SH3RF3: variants seen among roughly 807,000 people sequenced by gnomAD.
SH3RF3 encodes the protein SH3 domain containing ring finger 3.
SH3RF3 carries 29 observed loss-of-function variants against 66.3 expected under a neutral mutation model. That is an observed-to-expected ratio of 0.44 (90% CI 0.33 to 0.60). The LOEUF (loss-of-function observed/expected upper bound fraction) is 0.60, where lower values mean the gene tolerates loss of function less well. SH3RF3 is among the 20% of genes least tolerant of loss of function. The pLI, the probability that SH3RF3 is intolerant of heterozygous loss-of-function variation, is 0.04. For missense variants in SH3RF3, 1,194 were observed against 1,190.9 expected (o/e 1.00, Z -0.04); for synonymous variants, 583 against 532.0 (o/e 1.10, Z -1.32).
intron 5 of SH3RF3, among the ~76,000 whole-genome samples, chr2:109,425,093 G>C (rs1408580125): frequency 6.6e-6 from 1 of 152,240 alleles, no homozygotes; most frequent in Non-Finnish European, 1.5e-5. Context: ...TGTTTGAGTG[G>C]CCTGGATAGA....
intron 1 of SH3RF3, among the ~76,000 whole-genome samples, chr2:109,314,242 C>A (rs1443554304): frequency 6.6e-6 from 1 of 152,168 alleles, no homozygotes; most frequent in Non-Finnish European, 1.5e-5. Flanking sequence ...TTAATGCTGC[C>A]TGCTTGAGAA....
At chr2:109,416,976 C>T (rs1192206251) in intron 4 of SH3RF3, among the ~76,000 whole-genome samples, 2 of 151,830 alleles carry the variant, frequency 1.3e-5, no homozygotes, top group African/African-American at 2.4e-5. Context: ...CACACAGTCA[C>T]AGGCCATGGT....
At chr2:109,307,536 T>A (rs1408588736) in intron 1 of SH3RF3, among the ~76,000 whole-genome samples, 1 of 146,726 alleles carries the variant, frequency 6.8e-6, no homozygotes, top group Non-Finnish European at 1.5e-5. Flanking sequence ...ACTCGTCATC[T>A]AGCATTAGGT....
intron 1 of SH3RF3, among the ~76,000 whole-genome samples, chr2:109,138,173 G>T (rs1033447737): frequency 1.3e-5 from 2 of 152,088 alleles, no homozygotes; most frequent in African/African-American, 2.4e-5. Context: ...GCACCACCAC[G>T]CCCGGCTAAC....
chr2:109,219,937 A>G (rs1679193583), intron 1 of SH3RF3, among the ~76,000 whole-genome samples: 2 of 152,242 alleles, frequency 1.3e-5, no homozygotes, highest in Admixed American at 1.3e-4. Flanking sequence ...TCTAAAATTT[A>G]TATGGAATCT....
At chr2:109,182,471 A>ATAGTTT (rs1173052136) in intron 1 of SH3RF3, among the ~76,000 whole-genome samples, 8 of 152,202 alleles carry the variant, frequency 5.3e-5, no homozygotes, top group African/African-American at 1.7e-4. Flanking sequence ...CACTCAAACT[A>ATAGTTT]TAGTGTCCCA....
intron 9 of SH3RF3, among the ~76,000 whole-genome samples, chr2:109,491,452 T>C (rs1401625617): frequency 6.6e-6 from 1 of 152,234 alleles, no homozygotes; most frequent in African/African-American, 2.4e-5. Context: ...TCCGTCAGAC[T>C]GAACCCTTTG....
intron 1 of SH3RF3, among the ~76,000 whole-genome samples, chr2:109,341,541 T>G (rs1682552843): frequency 6.6e-6 from 1 of 152,034 alleles, no homozygotes; most frequent in Non-Finnish European, 1.5e-5. Flanking sequence ...CCTGAGTGAG[T>G]CAGAATATAA....
At chr2:109,397,643 C>A (rs1272591347) in intron 3 of SH3RF3, among the ~76,000 whole-genome samples, 2 of 152,186 alleles carry the variant, frequency 1.3e-5, no homozygotes, top group Non-Finnish European at 2.9e-5. Context: ...GCCCTGAGGA[C>A]CAGCCCAGGG....
intron 1 of SH3RF3, among the ~76,000 whole-genome samples, chr2:109,318,351 G>T (rs2105450210): frequency 6.6e-6 from 1 of 152,172 alleles, no homozygotes; most frequent in African/African-American, 2.4e-5. Context: ...CCCAGTGCTT[G>T]TCCTCTGCCC....
intron 1 of SH3RF3, among the ~76,000 whole-genome samples, chr2:109,217,948 C>T (rs1679138466): frequency 6.6e-6 from 1 of 152,168 alleles, no homozygotes; most frequent in African/African-American, 2.4e-5. Context: ...AGGACCTTTC[C>T]CTCGAGGGCT....
Position 109,436,942 on chromosome 2 carries a change from T to C in SH3RF3, c.1624T>C (p.Ser542Pro), listed in dbSNP as rs773529056. 1 of 1,613,424 alleles carries C rather than the reference T, an allele frequency of 6.2e-7. No individual in the cohort carries two copies. The highest frequency in any genetic ancestry group is 8.5e-7 in the Non-Finnish European group (1 of 1,179,828). The stretch of plus-strand genomic sequence containing the variant: ...GCCCCGGAATAATGTAGTCGGAGGG[T>C]CTCCACTGGCCAAAGGGATAACCAC... ...GPPRNNVVGGSPLAKGITTTM... is the reference protein window; with the variant it reads ...GPPRNNVVGGPPLAKGITTTM... The change falls in exon 7 of 10, where the codon TCT (serine) becomes CCT (proline). Residue 542 changes from serine to proline, a missense_variant. Physicochemically the swap from Ser to Pro is moderately conservative, Grantham distance 74. Coordinates refer to ENST00000309415, the MANE Select transcript of SH3RF3 (RefSeq NM_001099289.3).
intron 1 of SH3RF3, among the ~76,000 whole-genome samples, chr2:109,332,997 G>A (rs1682322953): frequency 6.6e-6 from 1 of 152,246 alleles, no homozygotes; most frequent in Non-Finnish European, 1.5e-5. Context: ...AGCCTAGCCT[G>A]CTGGGTCATG....
At chr2:109,483,990 C>T (rs1678901015) in intron 8 of SH3RF3, among the ~76,000 whole-genome samples, 1 of 152,076 alleles carries the variant, frequency 6.6e-6, no homozygotes, top group African/African-American at 2.4e-5. Context: ...TCCTTGGATG[C>T]TCCCAGCGTC....
chr2:109,305,158 G>A (rs1681561845), intron 1 of SH3RF3, among the ~76,000 whole-genome samples: 2 of 152,158 alleles, frequency 1.3e-5, no homozygotes, highest in African/African-American at 4.8e-5. Flanking sequence ...CACAGTGGGG[G>A]TTATGTTGAT....
intron 1 of SH3RF3, among the ~76,000 whole-genome samples, chr2:109,296,234 T>TATTATTATTATTATTATTATTATTATC (rs1340098545): frequency 4.0e-5 from 6 of 151,878 alleles, no homozygotes; most frequent in Admixed American, 1.3e-4. Context: ...GTATTATTAT[T>TATTATTATTATTATTATTATTATTATC]ATTATTATTC....
intron 8 of SH3RF3, among the ~76,000 whole-genome samples, chr2:109,486,925 G>A (rs908787591): frequency 1.3e-5 from 2 of 152,190 alleles, no homozygotes; most frequent in East Asian, 1.9e-4. Flanking sequence ...TAACAGATCC[G>A]GCTGTTTGGT....
At chr2:109,214,740 T>G (rs1255624912) in intron 1 of SH3RF3, among the ~76,000 whole-genome samples, 1 of 152,184 alleles carries the variant, frequency 6.6e-6, no homozygotes, top group Non-Finnish European at 1.5e-5. Flanking sequence ...TCTGGTGACA[T>G]TTAGCTGTGT....
chr2:109,241,768 ATT>A (rs201056229), intron 1 of SH3RF3, among the ~76,000 whole-genome samples: 11 of 143,400 alleles, frequency 7.7e-5, no homozygotes, highest in East Asian at 2.0e-4. Context: ...GTCTTGAATA[ATT>A]TTTTTTTTTT....
Sources: allele counts gnomAD v4.1 joint callset (sites outside exome capture counted in the v4.1 genomes callset), GRCh38; gene constraint gnomAD v4.1.1; transcripts MANE v1.5; gene names NCBI Gene and HGNC (gene_info 2026-07-23, HGNC 2026-07-21).